The following ABHD17B variants were observed in gnomAD, a reference collection of about 807,000 sequenced individuals.
ABHD17B encodes abhydrolase domain containing 17B, depalmitoylase.
In ABHD17B, 9 loss-of-function variants were observed where a neutral mutation model predicts 26.2. That is an observed-to-expected ratio of 0.34 (90% CI 0.21 to 0.60). The LOEUF (loss-of-function observed/expected upper bound fraction) is 0.60. ABHD17B is among the 20% of genes least tolerant of loss of function. The probability of loss-of-function intolerance (pLI) is 0.80; values close to 1 mark genes in which losing one functional copy is unlikely to be tolerated. For missense variants in ABHD17B, 224 were observed against 352.1 expected, an observed-to-expected ratio of 0.64 and a Z score of 2.91; for synonymous variants, 127 against 122.3, an observed-to-expected ratio of 1.04 and a Z score of -0.25.
Position 71,867,009 on chromosome 9 carries a change from G to T in ABHD17B, c.648-3C>A, listed in dbSNP as rs1056835984. Reference sequence around the variant, plus strand: ...TTATCTTAGAGATTTTGTCAATGCTGCAGGGAAAAAGGAAGGGGGAAAAAT... The same window carrying T: ...TTATCTTAGAGATTTTGTCAATGCTTCAGGGAAAAAGGAAGGGGGAAAAAT... On this transcript the variant is annotated splice_region_variant and splice_polypyrimidine_tract_variant and intron_variant, in intron 3 of 3. Coordinates refer to ENST00000333421, the MANE Select transcript of ABHD17B (RefSeq NM_001025780.3). 4 of 1,613,498 alleles carry T rather than the reference G, an allele frequency of 2.5e-6. No homozygotes were observed. Among genetic ancestry groups the T allele is most frequent in the Non-Finnish European group, 3.4e-6 (4 of 1,179,834 alleles).
intron 1 of ABHD17B, among the ~76,000 whole-genome samples, chr9:71,893,949 G>A (rs1020651672): frequency 6.6e-6 from 1 of 151,984 alleles, no homozygotes; most frequent in Non-Finnish European, 1.5e-5. Context: ...AATTAGCTGG[G>A]TGTGGTGGCG....
At chr9:71,869,947 A>T in intron 3 of ABHD17B, 136 bp downstream of exon 3, 1 of 807,044 alleles carries the variant, frequency 1.2e-6, no homozygotes, top group Non-Finnish European at 1.9e-6. Context: ...TTTACAAATT[A>T]ATTTTTCATA....
chr9:71,877,638 G>A (rs550364191), intron 1 of ABHD17B, among the ~76,000 whole-genome samples: 84 of 152,220 alleles, frequency 5.5e-4, no homozygotes, highest in Non-Finnish European at 1.0e-3. Context: ...GGCTAGTCTC[G>A]AACTCCTGAC....
intron 1 of ABHD17B, among the ~76,000 whole-genome samples, chr9:71,886,313 C>A (rs948206247): frequency 6.6e-6 from 1 of 151,690 alleles, no homozygotes; most frequent in African/African-American, 2.4e-5. Flanking sequence ...CTGGGCCAGG[C>A]ACAGTGGCTC....
At chr9:71,865,090 A>AT (rs913078910), downstream of ABHD17B, 89 of 927,918 alleles carry the variant, frequency 9.6e-5, no homozygotes, top group African/African-American at 1.3e-3. Flanking sequence ...ACGAAGGGTA[A>AT]TTTTTTTTCA....
At chr9:71,867,049 A>C in intron 3 of ABHD17B, 43 bp from the exon 4 acceptor site, 1 of 1,590,996 alleles carries the variant, frequency 6.3e-7, no homozygotes, top group Non-Finnish European at 8.6e-7. Flanking sequence ...TAAATTAACT[A>C]TGTAAAGGAA....
Position 71,867,026 on chromosome 9 carries a change from G to C in ABHD17B, c.648-20C>G, listed in dbSNP as rs1589207823. Reference sequence around the variant, plus strand: ...TCAATGCTGCAGGGAAAAAGGAAGGGGGAAAAATGCAATAAATTAACTATG... The same window carrying C: ...TCAATGCTGCAGGGAAAAAGGAAGGCGGAAAAATGCAATAAATTAACTATG... On this transcript the variant is annotated intron_variant, in intron 3 of 3. Transcript: ENST00000333421. 6.2e-7 allele frequency: 1 copy of C among 1,611,174 alleles called. No homozygotes were observed. Among genetic ancestry groups the C allele is most frequent in the Non-Finnish European group, 8.5e-7 (1 of 1,179,152 alleles).
In ABHD17B at chr9:71,910,664, G is replaced by C. The variant is rs1001948716; in HGVS notation, c.-34C>G. 1.3e-5 allele frequency: 2 copies of C among 152,154 alleles called. No homozygotes were observed. Among genetic ancestry groups the C allele is most frequent in the African/African-American group, 4.8e-5 (2 of 41,432 alleles). 9.4% of individuals were successfully genotyped at this position (152,154 alleles called of 1,614,324 possible). Reference sequence around the variant, plus strand: ...CCTGAGCGGCCCGGGCCGAAGCGCCGGGCAGAAGGGGTCGAGAGAGAACCG... The same window carrying C: ...CCTGAGCGGCCCGGGCCGAAGCGCCCGGCAGAAGGGGTCGAGAGAGAACCG... On this transcript the variant is annotated 5_prime_UTR_variant, in exon 1 of 4. Coordinates refer to ENST00000333421, the MANE Select transcript of ABHD17B (RefSeq NM_001025780.3).
intron 3 of ABHD17B, among the ~76,000 whole-genome samples, chr9:71,868,458 C>A (rs1313486350): frequency 6.6e-6 from 1 of 152,034 alleles, no homozygotes; most frequent in African/African-American, 2.4e-5. Flanking sequence ...TTGGAGGACA[C>A]AGAAACTACA....
At position 71,875,082 on chromosome 9, in the gene ABHD17B, C is replaced by T. The variant is rs1826226894; in HGVS notation, c.-2G>A. On this transcript the variant is annotated splice_region_variant and 5_prime_UTR_variant, in exon 2 of 4. Transcript: ENST00000333421. ...CTCACTAAATGAAAGATTATTCATG[C>T]TCTGAAAAAGAAAAGGAGATAGCAA... 2 of 1,597,864 alleles carry T rather than the reference C, an allele frequency of 1.3e-6. No homozygotes were observed. Among genetic ancestry groups the T allele is most frequent in the Admixed American group, 1.7e-5 (1 of 59,516 alleles).
At chr9:71,874,385 G>A (rs895970716) in intron 2 of ABHD17B, among the ~76,000 whole-genome samples, 3 of 151,946 alleles carry the variant, frequency 2.0e-5, no homozygotes, top group African/African-American at 4.8e-5. Flanking sequence ...ACATATATAC[G>A]TGTATTAATG....
downstream of ABHD17B, among the ~76,000 whole-genome samples, chr9:71,864,890 C>T (rs374400321): frequency 2.6e-5 from 4 of 152,018 alleles, no homozygotes; most frequent in African/African-American, 9.7e-5. Context: ...GTTGAATGAA[C>T]GAACACTGAA....
At chr9:71,881,676 A>C (rs1406319960) in intron 1 of ABHD17B, among the ~76,000 whole-genome samples, 5 of 152,210 alleles carry the variant, frequency 3.3e-5, no homozygotes, top group Non-Finnish European at 7.3e-5. Context: ...TCATGAGGTC[A>C]GGAGATCGAG....
chr9:71,879,348 C>T (rs982732263), intron 1 of ABHD17B, among the ~76,000 whole-genome samples: 5 of 151,994 alleles, frequency 3.3e-5, no homozygotes, highest in Admixed American at 6.5e-5. Context: ...AATATGAATA[C>T]GAAGAGGATT....
At chr9:71,906,795 A>T (rs1179070203) in intron 1 of ABHD17B, among the ~76,000 whole-genome samples, 5 of 125,212 alleles carry the variant, frequency 4.0e-5, no homozygotes, top group East Asian at 2.3e-4. Context: ...TGTCTTTTAC[A>T]TTATTAAAAA....
chr9:71,891,395 A>G (rs909998799), intron 1 of ABHD17B, among the ~76,000 whole-genome samples: 2 of 151,774 alleles, frequency 1.3e-5, no homozygotes, highest in Non-Finnish European at 2.9e-5. Flanking sequence ...TTTTTCTTCT[A>G]TTTCCTCTCC....
chr9:71,911,112 C>T lies in ABHD17B; in HGVS notation c.-482G>A, dbSNP rs1330409506. Among the ~76,000 whole-genome samples the T allele has an allele frequency of 6.6e-6, 1 of 152,166 alleles. No individual in the cohort carries two copies. The highest frequency in any genetic ancestry group is 2.1e-4 in the South Asian group (1 of 4,826). ...TCCTCAGCCTGCCAAGCGCGAGGCT[C>T]GTTCCGGTAGCGGGAGGAAGACTGG... On this transcript the variant is annotated 5_prime_UTR_variant, in exon 1 of 4. Coordinates refer to ENST00000333421, the MANE Select transcript of ABHD17B (RefSeq NM_001025780.3).
At chr9:71,893,095 G>T (rs1052573922) in intron 1 of ABHD17B, among the ~76,000 whole-genome samples, 1 of 152,200 alleles carries the variant, frequency 6.6e-6, no homozygotes, top group Admixed American at 6.5e-5. Context: ...CCTTTTCAAG[G>T]CTGAAAAATA....
intron 1 of ABHD17B, among the ~76,000 whole-genome samples, chr9:71,876,588 G>A (rs552155915): frequency 6.6e-6 from 1 of 151,626 alleles, no homozygotes; most frequent in Non-Finnish European, 1.5e-5. Context: ...AGGTTTGGTG[G>A]CATCCAATTT....
Sources: gnomAD v4.1 joint callset for allele counts (sites outside exome capture counted in the v4.1 genomes callset) on GRCh38, gnomAD v4.1.1 for gene constraint, MANE v1.5 for transcripts, NCBI Gene and HGNC (gene_info 2026-07-23, HGNC 2026-07-21) for gene names.